The following NELL1 variants were observed in gnomAD, a reference collection of about 807,000 sequenced individuals.
NELL1 encodes neural EGFL like 1.
NELL1 carries 76 observed loss-of-function variants against 107.4 expected under a neutral mutation model. The ratio of observed to expected loss-of-function variants is 0.71; its 90% CI spans 0.59 to 0.86. The LOEUF is 0.86. Ranked by LOEUF, NELL1 falls within the 40% of genes least tolerant of loss-of-function variation. The probability of loss-of-function intolerance (pLI) is 0.00; values close to 1 mark genes in which losing one functional copy is unlikely to be tolerated. For synonymous variants in NELL1, 353 were observed against 341.2 expected, an observed-to-expected ratio of 1.03 and a Z score of -0.38; for missense variants, 1,024 against 1,005.5, an observed-to-expected ratio of 1.02 and a Z score of -0.25.
intron 14 of NELL1, among the ~76,000 whole-genome samples, chr11:21,257,951 G>T (rs2133918649): frequency 6.6e-6 from 1 of 152,098 alleles, no homozygotes; most frequent in South Asian, 2.1e-4. Context: ...GATCCTGGCA[G>T]AAGAAAACAA....
At chr11:21,334,076 A>T (rs181386648) in intron 14 of NELL1, among the ~76,000 whole-genome samples, 8 of 152,204 alleles carry the variant, frequency 5.3e-5, no homozygotes, top group East Asian at 1.9e-4. Context: ...AGTGATTTCT[A>T]TGTCTTAAGC....
intron 12 of NELL1, among the ~76,000 whole-genome samples, chr11:21,083,656 T>TA (rs1247042435): frequency 6.6e-6 from 1 of 152,088 alleles, no homozygotes; most frequent in African/African-American, 2.4e-5. Context: ...ATAAACTAGA[T>TA]CTGGGCTGTA....
rs367607234 is a variant in NELL1 at position 21,156,074 on chromosome 11, G to A, written c.1426+42360G>A. On this transcript the variant is annotated intron_variant, in intron 13 of 19. Transcript: ENST00000357134. ...TTGTAGTTGGGACAGGGGGCAGGATGCTGATGGTGTTTATGCTACTAGCCA... is the reference window on the plus strand; with the variant it reads ...TTGTAGTTGGGACAGGGGGCAGGATACTGATGGTGTTTATGCTACTAGCCA... 3.4e-3 allele frequency among the ~76,000 whole-genome samples: 511 copies of A among 152,238 alleles called. 4 individuals carry two copies. The highest frequency in any genetic ancestry group is 0.032 in the South Asian group (152 of 4,810).
rs374459124 is a variant in NELL1, at chr11:20,974,038, G to A, written c.1300+13478G>A. ...GGAATAAGTTTACTTGTTTAGGCTCGGGAGGAAGGAATGGAAATGAGCATT... is the reference window on the plus strand; with the variant it reads ...GGAATAAGTTTACTTGTTTAGGCTCAGGAGGAAGGAATGGAAATGAGCATT... On this transcript the variant is annotated intron_variant, in intron 12 of 19. Transcript: ENST00000357134. Among the ~76,000 whole-genome samples, 16 of 152,278 alleles carry A rather than the reference G, an allele frequency of 1.1e-4. 1 individual carries two copies. The East Asian group carries it at 1.7e-3, about 17-fold the overall frequency.
intron 14 of NELL1, among the ~76,000 whole-genome samples, chr11:21,289,317 C>G (rs1439904558): frequency 6.6e-6 from 1 of 152,168 alleles, no homozygotes; most frequent in East Asian, 1.9e-4. Context: ...ATACCTGGCT[C>G]ATCTCATTGG....
chr11:21,263,567 A>G (rs1848576616), intron 14 of NELL1, among the ~76,000 whole-genome samples: 2 of 151,968 alleles, frequency 1.3e-5, no homozygotes, highest in Admixed American at 6.6e-5. Context: ...TCCATAGTGC[A>G]GAAAATAAAT....
At chr11:20,678,420 A>G (rs1282678627) in intron 2 of NELL1, among the ~76,000 whole-genome samples, 1 of 152,192 alleles carries the variant, frequency 6.6e-6, no homozygotes, top group Non-Finnish European at 1.5e-5. Context: ...CTATATTTAC[A>G]TCTTTCATCT....
At chr11:20,848,269 G>A (rs1848736625) in intron 4 of NELL1, among the ~76,000 whole-genome samples, 1 of 152,186 alleles carries the variant, frequency 6.6e-6, no homozygotes, top group African/African-American at 2.4e-5. Context: ...TGGAATTGAT[G>A]CCAGGTATTT....
chr11:21,341,264 T>A (rs1478654294), intron 14 of NELL1, among the ~76,000 whole-genome samples: 1 of 152,198 alleles, frequency 6.6e-6, no homozygotes, highest in Non-Finnish European at 1.5e-5. Flanking sequence ...GTGATAGAGT[T>A]CAGGAAAGGG....
intron 14 of NELL1, among the ~76,000 whole-genome samples, chr11:21,271,708 A>C (rs2133935357): frequency 6.6e-6 from 1 of 152,336 alleles, no homozygotes; most frequent in Non-Finnish European, 1.5e-5. Context: ...TCATGAACAT[A>C]GATGCAAAAA....
rs138329261 is a variant in NELL1, at chr11:20,929,390, G to T, written c.997+911G>T. Among the ~76,000 whole-genome samples, 280 of 151,698 alleles carry T rather than the reference G, an allele frequency of 1.8e-3. 2 individuals are homozygous for T. The highest frequency in any genetic ancestry group is 3.3e-3 in the Non-Finnish European group (223 of 67,992). Reference sequence around the variant, plus strand: ...ATAGCAGTGAAAGTGGGTTGCAGCAGCCCAAATAATTGTTGAACTTTTCAA... The same window carrying T: ...ATAGCAGTGAAAGTGGGTTGCAGCATCCCAAATAATTGTTGAACTTTTCAA... On this transcript the variant is annotated intron_variant, in intron 9 of 19. Coordinates refer to ENST00000357134, the MANE Select transcript of NELL1 (RefSeq NM_006157.5).
At chr11:21,515,548 C>T (rs2133949171) in intron 15 of NELL1, among the ~76,000 whole-genome samples, 2 of 152,240 alleles carry the variant, frequency 1.3e-5, no homozygotes, top group Middle Eastern at 3.4e-3. Context: ...GACTTCTCCA[C>T]TTTGAGCCAT....
chr11:21,319,915 T>C (rs1849971476), intron 14 of NELL1, among the ~76,000 whole-genome samples: 1 of 152,060 alleles, frequency 6.6e-6, no homozygotes, highest in Non-Finnish European at 1.5e-5. Flanking sequence ...GAGCTAGGAC[T>C]GTACCTTTTT....
intron 3 of NELL1, among the ~76,000 whole-genome samples, chr11:20,837,876 T>A (rs971472182): frequency 2.4e-4 from 36 of 152,064 alleles, no homozygotes; most frequent in Non-Finnish European, 4.7e-4. Context: ...AAATTCTAAG[T>A]AATTTATGTA....
At chr11:21,059,867 T>A (rs1853698522) in intron 12 of NELL1, among the ~76,000 whole-genome samples, 1 of 152,190 alleles carries the variant, frequency 6.6e-6, no homozygotes, top group African/African-American at 2.4e-5. Flanking sequence ...CATCTTGTGA[T>A]TATGGTTGTG....
chr11:21,467,473 A>T (rs1652016997), intron 15 of NELL1, among the ~76,000 whole-genome samples: 1 of 152,078 alleles, frequency 6.6e-6, no homozygotes, highest in African/African-American at 2.4e-5. Flanking sequence ...TGTCTTTAAA[A>T]ATATCAACTG....
intron 15 of NELL1, among the ~76,000 whole-genome samples, chr11:21,375,806 T>A (rs1045658651): frequency 6.6e-6 from 1 of 152,180 alleles, no homozygotes; most frequent in Non-Finnish European, 1.5e-5. Flanking sequence ...TGATTAGTAA[T>A]GTTGAGCATT....
At chr11:21,430,118 T>C (rs181858001) in intron 15 of NELL1, among the ~76,000 whole-genome samples, 106 of 152,294 alleles carry the variant, frequency 7.0e-4, no homozygotes, top group Middle Eastern at 6.8e-3. Context: ...AGCAAGTACA[T>C]GGAAGGCCAA....
chr11:21,157,351 T>A (rs1347894558), intron 13 of NELL1, among the ~76,000 whole-genome samples: 1 of 152,170 alleles, frequency 6.6e-6, no homozygotes. Context: ...TAGTATTAGA[T>A]ATATTTATTT....
Sources: gnomAD v4.1 joint callset for allele counts (sites outside exome capture counted in the v4.1 genomes callset) on GRCh38, gnomAD v4.1.1 for gene constraint, MANE v1.5 for transcripts, NCBI Gene and HGNC (gene_info 2026-07-23, HGNC 2026-07-21) for gene names.